Variants in SUPT3H observed in about 807,000 individuals in gnomAD.
SUPT3H encodes SPT3 homolog, SAGA and STAGA complex component.
Under a neutral mutation model 44.3 loss-of-function variants are expected in SUPT3H, and 44 were observed. The observed-to-expected ratio is 0.99, with a 90% confidence interval of 0.78 to 1.28. The LOEUF (loss-of-function observed/expected upper bound fraction) is 1.28. Ranked by LOEUF, SUPT3H falls within the 50% of genes most tolerant of loss-of-function variation. SUPT3H has a pLI of 0.00. For synonymous variants in SUPT3H, 124 were observed against 125.6 expected (o/e 0.99, Z 0.09); for missense variants, 380 against 387.1 (o/e 0.98, Z 0.15).
chr6:45,216,993 A>G (rs1003687197), intron 2 of SUPT3H, among the ~76,000 whole-genome samples: 3 of 152,306 alleles, frequency 2.0e-5, no homozygotes, highest in Admixed American at 1.3e-4. Context: ...TAGGGAGGGC[A>G]GAGAGATTAC....
chr6:45,149,199 T>C (rs1806542186), intron 2 of SUPT3H, among the ~76,000 whole-genome samples: 1 of 152,120 alleles, frequency 6.6e-6, no homozygotes, highest in South Asian at 2.1e-4. Context: ...CCATCATAAG[T>C]TACAAATTAT....
intron 2 of SUPT3H, among the ~76,000 whole-genome samples, chr6:45,160,819 C>A (rs1808828051): frequency 6.6e-6 from 1 of 152,052 alleles, no homozygotes; most frequent in Non-Finnish European, 1.5e-5. Context: ...TGAATCTCCC[C>A]CTATAAAATC....
intron 1 of SUPT3H, among the ~76,000 whole-genome samples, chr6:45,371,383 G>A (rs985123668): frequency 1.3e-5 from 2 of 148,582 alleles, no homozygotes; most frequent in African/African-American, 5.0e-5. Flanking sequence ...TACTTCACCA[G>A]TATTAGCTCA....
chr6:45,320,822 A>G (rs919743419), intron 2 of SUPT3H, among the ~76,000 whole-genome samples: 3 of 152,200 alleles, frequency 2.0e-5, no homozygotes, highest in African/African-American at 7.2e-5. Context: ...TAGTCTTCTG[A>G]TCATTAAAAT....
At chr6:45,305,542 T>C (rs975580661) in intron 2 of SUPT3H, among the ~76,000 whole-genome samples, 5 of 152,156 alleles carry the variant, frequency 3.3e-5, no homozygotes, top group African/African-American at 1.2e-4. Flanking sequence ...GTTTTCAGAG[T>C]TCCCTTTCTT....
At chr6:45,200,681 A>G (rs971781228) in intron 2 of SUPT3H, among the ~76,000 whole-genome samples, 3 of 151,520 alleles carry the variant, frequency 2.0e-5, no homozygotes, top group Non-Finnish European at 4.4e-5. Context: ...GAAGTCACAC[A>G]GTTATTAAGT....
At chr6:45,068,876 G>A (rs1346754345) in intron 3 of SUPT3H, among the ~76,000 whole-genome samples, 1 of 151,216 alleles carries the variant, frequency 6.6e-6, no homozygotes, top group Non-Finnish European at 1.5e-5. Flanking sequence ...CTAATCAGTA[G>A]AATGTTCGTT....
chr6:44,811,756 G>A (rs946893631), intron 11 of SUPT3H, among the ~76,000 whole-genome samples: 3 of 152,224 alleles, frequency 2.0e-5, no homozygotes, highest in Admixed American at 1.3e-4. Flanking sequence ...CAAGGTGGCA[G>A]TTATACAGAA....
chr6:45,185,143 T>C (rs1756108553), intron 2 of SUPT3H, among the ~76,000 whole-genome samples: 1 of 152,110 alleles, frequency 6.6e-6, no homozygotes, highest in Admixed American at 6.5e-5. Flanking sequence ...CTCCAACTGA[T>C]TAGTGTCTAC....
intron 3 of SUPT3H, among the ~76,000 whole-genome samples, chr6:45,093,209 TAAATA>T (rs1037333247): frequency 1.2e-4 from 18 of 152,100 alleles, no homozygotes; most frequent in African/African-American, 4.1e-4. Context: ...ATCTGATAAA[TAAATA>T]AAAGTTGCTA....
intron 3 of SUPT3H, among the ~76,000 whole-genome samples, chr6:45,090,611 A>T (rs1797013136): frequency 6.6e-6 from 1 of 152,024 alleles, no homozygotes; most frequent in Non-Finnish European, 1.5e-5. Flanking sequence ...GAAAAAAAGA[A>T]TTAAAAAATA....
intron 2 of SUPT3H, among the ~76,000 whole-genome samples, chr6:45,187,481 GCTGTGTGC>G (rs1814449109): frequency 6.6e-6 from 1 of 151,622 alleles, no homozygotes; most frequent in Non-Finnish European, 1.5e-5. Context: ...CCTTACGAGG[GCTGTGTGC>G]CATGTAAAAC....
At chr6:44,918,104 G>C (rs766768081) in intron 10 of SUPT3H, among the ~76,000 whole-genome samples, 1 of 151,930 alleles carries the variant, frequency 6.6e-6, no homozygotes, top group Non-Finnish European at 1.5e-5. Flanking sequence ...AAGGTCTTAG[G>C]AATTAGCTAA....
intron 10 of SUPT3H, among the ~76,000 whole-genome samples, chr6:44,839,531 C>A (rs979548350): frequency 3.9e-5 from 6 of 151,972 alleles, no homozygotes; most frequent in African/African-American, 1.5e-4. Context: ...TGGTCTTGAA[C>A]TCCTGGGCTT....
At chr6:45,236,053 T>C (rs551315812) in intron 2 of SUPT3H, among the ~76,000 whole-genome samples, 5 of 152,336 alleles carry the variant, frequency 3.3e-5, no homozygotes, top group Admixed American at 2.0e-4. Context: ...CTGTAATCTA[T>C]AGAAACAATG....
At position 45,035,439 on chromosome 6, in the gene SUPT3H, G is replaced by T. The variant is rs1048735371; in HGVS notation, c.187-14807C>A. On this transcript the variant is annotated intron_variant, in intron 3 of 10. Transcript: ENST00000371459. Reference sequence around the variant, plus strand: ...ATCCTCACTGTTTTATGTCCAAAAGGTTGTATGGAGAGGTAATCTGAAAAG... The same window carrying T: ...ATCCTCACTGTTTTATGTCCAAAAGTTTGTATGGAGAGGTAATCTGAAAAG... Among the ~76,000 whole-genome samples, 17 of 152,144 alleles carry T rather than the reference G, an allele frequency of 1.1e-4. No individual in the cohort carries two copies. In the East Asian group the frequency reaches 3.1e-3, roughly 28 times the overall value.
chr6:45,100,913 C>G (rs973129453), intron 3 of SUPT3H, among the ~76,000 whole-genome samples: 1 of 152,132 alleles, frequency 6.6e-6, no homozygotes, highest in African/African-American at 2.4e-5. Context: ...TGCAGCAATA[C>G]TCACAATAGC....
At chr6:45,234,279 G>A (rs1216030351) in intron 2 of SUPT3H, among the ~76,000 whole-genome samples, 1 of 151,944 alleles carries the variant, frequency 6.6e-6, no homozygotes, top group Non-Finnish European at 1.5e-5. Context: ...TAAAACCAAA[G>A]ATACACTTTG....
intron 10 of SUPT3H, among the ~76,000 whole-genome samples, chr6:44,902,439 C>T (rs534977659): frequency 6.6e-6 from 1 of 152,148 alleles, no homozygotes; most frequent in African/African-American, 2.4e-5. Context: ...CAAAGAAGTC[C>T]ATAACATAAT....
Sources: gnomAD v4.1 joint callset for allele counts (sites outside exome capture counted in the v4.1 genomes callset) on GRCh38, gnomAD v4.1.1 for gene constraint, MANE v1.5 for transcripts, NCBI Gene and HGNC (gene_info 2026-07-23, HGNC 2026-07-21) for gene names.